ADGRV1: variants seen among roughly 807,000 people sequenced by gnomAD.
The protein encoded by ADGRV1 is G-protein coupled receptor 98.
A neutral mutation model predicts 596.2 loss-of-function variants in ADGRV1; 359 were observed. The ratio of observed to expected loss-of-function variants is 0.60; its 90% CI spans 0.55 to 0.66. ADGRV1 has a LOEUF of 0.66. ADGRV1 is among the 30% of genes least tolerant of loss of function. The pLI, the probability that ADGRV1 is intolerant of heterozygous loss-of-function variation, is 0.00. For missense variants in ADGRV1, 7,274 were observed against 7,575.6 expected (o/e 0.96, Z 1.48); for synonymous variants, 2,681 against 2,679.2 (o/e 1.00, Z -0.02).
At position 90,826,170 on chromosome 5, in the gene ADGRV1, C is replaced by T. The variant is rs542434274; in HGVS notation, c.16368+2574C>T. Reference sequence around the variant, plus strand: ...GTTATTAGTAGAAGGGAATTTATTACTCATCCAGTTCAAATTATTATTATG... The same window carrying T: ...GTTATTAGTAGAAGGGAATTTATTATTCATCCAGTTCAAATTATTATTATG... On this transcript the variant is annotated intron_variant, in intron 76 of 89. Coordinates refer to ENST00000405460, the MANE Select transcript of ADGRV1 (RefSeq NM_032119.4). 2.1e-4 allele frequency among the ~76,000 whole-genome samples: 32 copies of T among 152,238 alleles called. No individual in the cohort carries two copies. The South Asian group carries it at 6.4e-3, about 31-fold the overall frequency.
chr5:90,740,145 C>T (rs1196147691), intron 50 of ADGRV1, among the ~76,000 whole-genome samples: 1 of 152,174 alleles, frequency 6.6e-6, no homozygotes, highest in Non-Finnish European at 1.5e-5. Context: ...TGAGTAGGGT[C>T]AGATGCTCTC....
chr5:90,667,869 G>A (rs10942603), intron 21 of ADGRV1, among the ~76,000 whole-genome samples: 47,630 of 151,464 alleles, frequency 0.31, 7,958 homozygotes, highest in Admixed American at 0.47. Flanking sequence ...GTACCCTGCC[G>A]TGTGAGGTGT....
chr5:91,017,673 C>T (rs1445839065), intron 85 of ADGRV1, among the ~76,000 whole-genome samples: 1 of 151,906 alleles, frequency 6.6e-6, no homozygotes, highest in Non-Finnish European at 1.5e-5. Flanking sequence ...TTATAAGGTA[C>T]AAATGTATGT....
intron 83 of ADGRV1, among the ~76,000 whole-genome samples, chr5:90,881,779 C>T (rs1342547736): frequency 1.3e-5 from 2 of 152,066 alleles, no homozygotes; most frequent in African/African-American, 4.8e-5. Flanking sequence ...GGCTGGAGTG[C>T]AGTGGTATGA....
At chr5:90,835,676 T>C (rs897346090) in intron 77 of ADGRV1, among the ~76,000 whole-genome samples, 1 of 152,204 alleles carries the variant, frequency 6.6e-6, no homozygotes, top group Non-Finnish European at 1.5e-5. Flanking sequence ...TGGAAAACCA[T>C]GGGTCCCAGG....
chr5:90,903,283 C>A lies in ADGRV1; in HGVS notation c.17856+39426C>A, dbSNP rs147861216. Among the ~76,000 whole-genome samples, 454 of 152,012 alleles carry A rather than the reference C, an allele frequency of 3.0e-3. 1 individual carries two copies. The highest frequency in any genetic ancestry group is 0.01 in the African/African-American group (418 of 41,504). ...CGGTATTCATTTGAAAGTCATTACT[C>A]CAAAATATTTCCATGAAATTATAAT... On this transcript the variant is annotated intron_variant, in intron 83 of 89. Coordinates refer to ENST00000405460, the MANE Select transcript of ADGRV1 (RefSeq NM_032119.4).
At chr5:90,744,201 C>G (rs145961812) in intron 50 of ADGRV1, among the ~76,000 whole-genome samples, 168 of 152,152 alleles carry the variant, frequency 1.1e-3, no homozygotes, top group African/African-American at 3.9e-3. Flanking sequence ...TGCCGGGTCT[C>G]GAACCCCTGG....
intron 75 of ADGRV1, among the ~76,000 whole-genome samples, chr5:90,821,651 G>A (rs1763520207): frequency 6.6e-6 from 1 of 151,636 alleles, no homozygotes; most frequent in South Asian, 2.1e-4. Context: ...ACCCTCAGCT[G>A]CAGGTCTGTT....
At chr5:90,696,522 T>C (rs970319) in intron 33 of ADGRV1, among the ~76,000 whole-genome samples, 48,009 of 151,896 alleles carry the variant, frequency 0.32, 8,099 homozygotes, top group Admixed American at 0.48. Context: ...TGATATCTGA[T>C]TAAAATTATC....
Position 90,853,541 on chromosome 5 carries a change from T to G in ADGRV1, c.17454+8T>G. ...CCTACCCTAAAAAATAAGGTAATCTTTCATTCAAAACACTTATGTGGTTGG... is the reference window on the plus strand; with the variant it reads ...CCTACCCTAAAAAATAAGGTAATCTGTCATTCAAAACACTTATGTGGTTGG... On this transcript the variant is annotated splice_region_variant and intron_variant, in intron 80 of 89. Transcript: ENST00000405460. The G allele has an allele frequency of 6.2e-7, 1 of 1,606,008 alleles. No individual in the cohort carries two copies. The highest frequency in any genetic ancestry group is 8.5e-7 in the Non-Finnish European group (1 of 1,175,012).
At chr5:90,770,073 A>G (rs929888988) in intron 59 of ADGRV1, among the ~76,000 whole-genome samples, 42 of 152,200 alleles carry the variant, frequency 2.8e-4, no homozygotes, top group Admixed American at 2.7e-3. Flanking sequence ...TCACACTGCT[A>G]ATAAAGACAT....
chr5:90,795,086 G>GTTTT (rs35362542), intron 70 of ADGRV1, among the ~76,000 whole-genome samples: 9 of 120,440 alleles, frequency 7.5e-5, no homozygotes, highest in South Asian at 3.2e-4. Flanking sequence ...AGCTGCAGAA[G>GTTTT]TTTTTTTTTT....
At chr5:90,621,720 T>C (rs1764099704) in intron 4 of ADGRV1, among the ~76,000 whole-genome samples, 1 of 152,172 alleles carries the variant, frequency 6.6e-6, no homozygotes, top group Non-Finnish European at 1.5e-5. Flanking sequence ...AGGCAGCCTC[T>C]GACATCCTTA....
At chr5:90,571,030 T>C (rs1756459562) in intron 1 of ADGRV1, among the ~76,000 whole-genome samples, 1 of 152,144 alleles carries the variant, frequency 6.6e-6, no homozygotes, top group Admixed American at 6.5e-5. Flanking sequence ...ACTGTATGGC[T>C]TTGAAGTTCA....
chr5:91,025,834 A>C (rs1239646428), intron 85 of ADGRV1, among the ~76,000 whole-genome samples: 1 of 152,208 alleles, frequency 6.6e-6, no homozygotes, highest in East Asian at 1.9e-4. Context: ...GAAACTATGA[A>C]TATACTGTTA....
intron 84 of ADGRV1, among the ~76,000 whole-genome samples, chr5:90,967,250 A>G (rs771009689): frequency 6.6e-6 from 1 of 152,036 alleles, no homozygotes; most frequent in Non-Finnish European, 1.5e-5. Context: ...GACTCTCTCC[A>G]AGATTTGTTT....
chr5:90,680,211 G>T lies in ADGRV1; in HGVS notation c.5524+582G>T, dbSNP rs138645323. 3.0e-3 allele frequency among the ~76,000 whole-genome samples: 462 copies of T among 152,118 alleles called. 3 individuals carry two copies. The highest frequency in any genetic ancestry group is 5.0e-3 in the Non-Finnish European group (341 of 67,982). On this transcript the variant is annotated intron_variant, in intron 26 of 89. Coordinates refer to ENST00000405460, the MANE Select transcript of ADGRV1 (RefSeq NM_032119.4). ...CTAAAAATACAAAAATTAGCCAAGC[G>T]TGGTGGCATGTGCCTGTAATACCAG...
chr5:91,087,786 C>T (rs1393031945), intron 86 of ADGRV1, among the ~76,000 whole-genome samples: 2 of 152,150 alleles, frequency 1.3e-5, no homozygotes, highest in East Asian at 3.9e-4. Flanking sequence ...ATTCAATTTA[C>T]AGATGAGGAA....
chr5:90,779,149 G>A lies in ADGRV1; in HGVS notation c.13082+52G>A, dbSNP rs560830265. 16 of 1,101,544 alleles carry A rather than the reference G, an allele frequency of 1.5e-5. No individual in the cohort carries two copies. The African/African-American group carries it at 2.0e-4, about 14-fold the overall frequency. The allele number at this position is 1,101,544 out of a possible 1,614,324, so 68.2% of individuals were successfully genotyped here. On this transcript the variant is annotated intron_variant, in intron 64 of 89. Coordinates refer to ENST00000405460, the MANE Select transcript of ADGRV1 (RefSeq NM_032119.4). ...AGAAAGCAAAGAGCAGAGAGAAAGAGAGAAAGTTCTATTGTGTAGAGATTA... is the reference window on the plus strand; with the variant it reads ...AGAAAGCAAAGAGCAGAGAGAAAGAAAGAAAGTTCTATTGTGTAGAGATTA...
Sources: allele counts gnomAD v4.1 joint callset (sites outside exome capture counted in the v4.1 genomes callset), GRCh38; gene constraint gnomAD v4.1.1; transcripts MANE v1.5; gene names NCBI Gene and HGNC (gene_info 2026-07-23, HGNC 2026-07-21).